GRIN2B: variants seen among roughly 807,000 people sequenced by gnomAD.
The protein encoded by GRIN2B is glutamate receptor ionotropic, NMDA 2B.
A neutral mutation model predicts 114.5 loss-of-function variants in GRIN2B; 5 were observed. The ratio of observed to expected loss-of-function variants is 0.04; its 90% CI spans 0.02 to 0.09. The LOEUF is 0.09. Ranked by LOEUF, GRIN2B falls within the 10% of genes least tolerant of loss-of-function variation. GRIN2B has a pLI of 1.00. For synonymous variants in GRIN2B, 787 were observed against 745.1 expected (o/e 1.06, Z -0.92); for missense variants, 1,108 against 1,943.5 (o/e 0.57, Z 8.08).
At chr12:13,616,718 C>A in intron 5 of GRIN2B, 61 bp from the exon 6 acceptor site, 1 of 1,327,766 alleles carries the variant, frequency 7.5e-7, no homozygotes, top group Admixed American at 1.7e-5. Context: ...AACAGCCTGT[C>A]CCAGTATTGT....
In GRIN2B at chr12:13,664,214, A is replaced by G. The variant is rs143982008; in HGVS notation, c.1125+11531T>C. 1.7e-3 allele frequency among the ~76,000 whole-genome samples: 266 copies of G among 152,254 alleles called. 4 individuals carry two copies. The highest frequency in any genetic ancestry group is 5.8e-3 in the African/African-American group (242 of 41,556). ...ATAAAAGCACAAGAGGTGCTGGAGA[A>G]TAGTTAGTTGCAATTATTGGGCATG... On this transcript the variant is annotated intron_variant, in intron 5 of 13. Coordinates refer to ENST00000609686, the MANE Select transcript of GRIN2B (RefSeq NM_000834.5).
chr12:13,698,281 ATCCCTGCCT>A (rs1258214142), intron 4 of GRIN2B, among the ~76,000 whole-genome samples: 1 of 152,234 alleles, frequency 6.6e-6, no homozygotes, highest in Non-Finnish European at 1.5e-5. Flanking sequence ...ATCCCAGCAA[ATCCCTGCCT>A]TGTTGAAACA....
chr12:13,677,998 C>T (rs1358439418), intron 4 of GRIN2B, among the ~76,000 whole-genome samples: 1 of 152,100 alleles, frequency 6.6e-6, no homozygotes, highest in Non-Finnish European at 1.5e-5. Context: ...CACCTGACAG[C>T]AATAACTTAT....
chr12:13,723,597 T>G (rs1862919370), intron 4 of GRIN2B, among the ~76,000 whole-genome samples: 1 of 152,130 alleles, frequency 6.6e-6, no homozygotes, highest in African/African-American at 2.4e-5. Flanking sequence ...AAGATGGGAC[T>G]GTGGAATTCA....
At chr12:13,953,076 A>T (rs1048561878) in intron 2 of GRIN2B, among the ~76,000 whole-genome samples, 2 of 151,924 alleles carry the variant, frequency 1.3e-5, no homozygotes, top group African/African-American at 4.8e-5. Flanking sequence ...GCATGCTAGA[A>T]TCATCTGAAA....
At chr12:13,583,071 T>C (rs1415043033) in intron 10 of GRIN2B, among the ~76,000 whole-genome samples, 2 of 152,202 alleles carry the variant, frequency 1.3e-5, no homozygotes, top group Non-Finnish European at 2.9e-5. Flanking sequence ...TAACATATCA[T>C]AACCTGCACC....
chr12:13,781,649 C>A (rs1157038659), intron 3 of GRIN2B, among the ~76,000 whole-genome samples: 1 of 152,138 alleles, frequency 6.6e-6, no homozygotes, highest in African/African-American at 2.4e-5. Flanking sequence ...CAGAGGCAAT[C>A]ACATGAAAAA....
Position 13,547,975 on chromosome 12 carries a change from A to ATTTTTTTT in GRIN2B, c.*14807_*14808insAAAAAAAA, listed in dbSNP as rs1323847688. The ATTTTTTTT allele has an allele frequency of 4.0e-5, 2 of 49,856 alleles. No homozygotes were observed. The highest frequency in any genetic ancestry group is 5.9e-5 in the African/African-American group (1 of 16,930). The allele number at this position is 49,856 out of a possible 1,614,324, so 3.1% of individuals were successfully genotyped here. On this transcript the variant is annotated 3_prime_UTR_variant, in exon 14 of 14. Coordinates refer to ENST00000609686, the MANE Select transcript of GRIN2B (RefSeq NM_000834.5). ...TATGTGTGTGTATATATATATATAT[A>ATTTTTTTT]TATATATTTTTTTTTTTTTTCTGAA...
rs370984429 is a variant in GRIN2B, at chr12:13,543,060, G to A, written c.*19723C>T. 4.6e-5 allele frequency: 7 copies of A among 152,116 alleles called. No homozygotes were observed. The highest frequency in any genetic ancestry group is 3.9e-4 in the East Asian group (2 of 5,174). 9.4% of individuals were successfully genotyped at this position (152,116 alleles called of 1,614,324 possible). On this transcript the variant is annotated 3_prime_UTR_variant, in exon 14 of 14. Transcript: ENST00000609686. ...TTGATGCAATGATTGAAATGTTCTCGAATCACTCTCCCTCATTCCTGTCAT... is the reference window on the plus strand; with the variant it reads ...TTGATGCAATGATTGAAATGTTCTCAAATCACTCTCCCTCATTCCTGTCAT...
Position 13,551,250 on chromosome 12 carries a change from C to T in GRIN2B, c.*11533G>A, listed in dbSNP as rs1459788825. On this transcript the variant is annotated 3_prime_UTR_variant, in exon 14 of 14. Transcript: ENST00000609686. ...CTCCCATTGAGAACAGACCTCTCCACCTCTGCTCATGATGTTTCCAAGAAG... is the reference window on the plus strand; with the variant it reads ...CTCCCATTGAGAACAGACCTCTCCATCTCTGCTCATGATGTTTCCAAGAAG... 2.0e-5 allele frequency: 3 copies of T among 152,070 alleles called. No homozygotes were observed. Among genetic ancestry groups the T allele is most frequent in the Admixed American group, 2.0e-4 (3 of 15,272 alleles). The allele number at this position is 152,070 out of a possible 1,614,324, so 9.4% of individuals were successfully genotyped here.
intron 10 of GRIN2B, among the ~76,000 whole-genome samples, chr12:13,606,416 G>A (rs1256016006): frequency 6.6e-6 from 1 of 152,086 alleles, no homozygotes; most frequent in Non-Finnish European, 1.5e-5. Flanking sequence ...GCTGTTGGGG[G>A]AATTCTCATG....
Position 13,607,530 on chromosome 12 carries a change from T to C in GRIN2B, c.2010+1073A>G, listed in dbSNP as rs889875699. ...TTTATCTTCTCCACATGCTTTTGAA[T>C]GTTCTTGATAAGTAGAGATGTAGAA... is the stretch of plus-strand genomic sequence containing the variant. On this transcript the variant is annotated intron_variant, in intron 10 of 13. Coordinates refer to ENST00000609686, the MANE Select transcript of GRIN2B (RefSeq NM_000834.5). Among the ~76,000 whole-genome samples, 5 of 135,668 alleles carry C rather than the reference T, an allele frequency of 3.7e-5. No individual in the cohort carries two copies. In the South Asian group the frequency reaches 8.8e-4, roughly 24 times the overall value. 89.0% of individuals were successfully genotyped at this position (135,668 alleles called of 152,430 possible). A position where few individuals can be genotyped will look rare whatever the true frequency, so the allele number is the denominator to read the frequency against.
chr12:13,936,104 C>T (rs1867125863), intron 2 of GRIN2B, among the ~76,000 whole-genome samples: 1 of 152,058 alleles, frequency 6.6e-6, no homozygotes, highest in Non-Finnish European at 1.5e-5. Context: ...CCCCATGAGT[C>T]CAAGATGAGG....
chr12:13,838,283 A>T (rs926787809), intron 3 of GRIN2B, among the ~76,000 whole-genome samples: 1 of 152,140 alleles, frequency 6.6e-6, no homozygotes, highest in Non-Finnish European at 1.5e-5. Context: ...TGCGTGGTCC[A>T]TTTTCCACCC....
intron 2 of GRIN2B, among the ~76,000 whole-genome samples, chr12:13,949,189 G>A (rs551672114): frequency 5.5e-4 from 83 of 152,292 alleles, no homozygotes; most frequent in African/African-American, 1.9e-3. Context: ...TTCCTGGACA[G>A]AAATGAGGGG....
At chr12:13,946,967 GGTAA>G (rs895758734) in intron 2 of GRIN2B, among the ~76,000 whole-genome samples, 1 of 152,110 alleles carries the variant, frequency 6.6e-6, no homozygotes, top group African/African-American at 2.4e-5. Flanking sequence ...GTAAAATTTG[GGTAA>G]GTGAGAGGTG....
chr12:13,760,873 T>G (rs1450485551), intron 3 of GRIN2B, among the ~76,000 whole-genome samples: 1 of 152,204 alleles, frequency 6.6e-6, no homozygotes, highest in Non-Finnish European at 1.5e-5. Flanking sequence ...CTTTGATGAG[T>G]AGAAATTCTG....
At chr12:13,725,595 C>A (rs2136597958) in intron 4 of GRIN2B, among the ~76,000 whole-genome samples, 1 of 152,216 alleles carries the variant, frequency 6.6e-6, no homozygotes, top group Admixed American at 6.5e-5. Context: ...AGATCGGATA[C>A]ACAGACTCTT....
chr12:13,842,917 CTTTTTTTTTTTT>C (rs201344138), intron 3 of GRIN2B, among the ~76,000 whole-genome samples: 36,119 of 103,488 alleles, frequency 0.35, 4,699 homozygotes, highest in South Asian at 0.46. Flanking sequence ...ATTGGTTTTT[CTTTTTTTTTTTT>C]TTTTTTTTTT....
Sources: allele counts gnomAD v4.1 joint callset (sites outside exome capture counted in the v4.1 genomes callset), GRCh38; gene constraint gnomAD v4.1.1; transcripts MANE v1.5; gene names NCBI Gene and HGNC (gene_info 2026-07-23, HGNC 2026-07-21).